Variants in KCNH7 observed in about 807,000 individuals in gnomAD.
KCNH7 encodes the protein voltage-gated inwardly rectifying potassium channel KCNH7.
KCNH7 carries 49 observed loss-of-function variants against 120.8 expected under a neutral mutation model. The observed-to-expected ratio is 0.41, with a 90% CI of 0.32 to 0.51. The LOEUF (loss-of-function observed/expected upper bound fraction) is 0.51, where lower values mean the gene tolerates loss of function less well. KCNH7 is among the 20% of genes least tolerant of loss of function. KCNH7 has a pLI of 0.38. For missense variants in KCNH7, 1,097 were observed against 1,446.6 expected, an observed-to-expected ratio of 0.76 and a Z score of 3.92; for synonymous variants, 547 against 516.1, an observed-to-expected ratio of 1.06 and a Z score of -0.81.
At chr2:162,448,812 TC>T (rs2105564594) in intron 6 of KCNH7, among the ~76,000 whole-genome samples, 1 of 152,156 alleles carries the variant, frequency 6.6e-6, no homozygotes, top group South Asian at 2.1e-4. Flanking sequence ...GAAGACACTG[TC>T]CCTGAGATCT....
chr2:162,765,256 T>G (rs1682744170), intron 2 of KCNH7, among the ~76,000 whole-genome samples: 1 of 152,224 alleles, frequency 6.6e-6, no homozygotes, highest in South Asian at 2.1e-4. Context: ...TAGATGATAC[T>G]TTATTGAATC....
chr2:162,518,682 G>A (rs1691406829), intron 3 of KCNH7, among the ~76,000 whole-genome samples: 1 of 151,684 alleles, frequency 6.6e-6, no homozygotes, highest in African/African-American at 2.4e-5. Context: ...ATTGTGAGTC[G>A]AGTTTGGGTG....
At chr2:162,819,353 G>A (rs1266779521) in intron 2 of KCNH7, among the ~76,000 whole-genome samples, 1 of 152,062 alleles carries the variant, frequency 6.6e-6, no homozygotes, top group African/African-American at 2.4e-5. Context: ...AAATGGCCCA[G>A]CAAAATAAAT....
At chr2:162,807,267 A>C (rs986538074) in intron 2 of KCNH7, among the ~76,000 whole-genome samples, 3 of 136,990 alleles carry the variant, frequency 2.2e-5, no homozygotes, top group East Asian at 4.4e-4. Context: ...AAAAAAAAAA[A>C]AAAAAAAAAA....
chr2:162,429,682 T>C (rs997835312), intron 8 of KCNH7, among the ~76,000 whole-genome samples: 2 of 150,766 alleles, frequency 1.3e-5, no homozygotes, highest in African/African-American at 5.0e-5. Context: ...TCTTTTTCCT[T>C]TGTATATGAT....
At chr2:162,582,882 G>A (rs535877228) in intron 2 of KCNH7, among the ~76,000 whole-genome samples, 33 of 152,156 alleles carry the variant, frequency 2.2e-4, no homozygotes, top group African/African-American at 7.9e-4. Flanking sequence ...GGATATTAGA[G>A]GACACCTGTA....
intron 2 of KCNH7, among the ~76,000 whole-genome samples, chr2:162,788,946 T>G: frequency 6.9e-6 from 1 of 144,812 alleles, no homozygotes; most frequent in African/African-American, 2.6e-5. Flanking sequence ...AGCAGAAACC[T>G]TGATGCCAGA....
chr2:162,482,140 T>C (rs1266447572), intron 6 of KCNH7, among the ~76,000 whole-genome samples: 3 of 152,176 alleles, frequency 2.0e-5, no homozygotes, highest in African/African-American at 7.2e-5. Context: ...AGTTTAAGGA[T>C]GGGATAGATC....
chr2:162,579,699 C>T lies in KCNH7; in HGVS notation c.308-42619G>A, dbSNP rs569898558. ...CAGGGTGGGCACTTCTGAAATGTAA[C>T]AAGCCTTTCCGAAAGTCTACATTTC... On this transcript the variant is annotated intron_variant, in intron 2 of 15. Coordinates refer to ENST00000332142, the MANE Select transcript of KCNH7 (RefSeq NM_033272.4). Among the ~76,000 whole-genome samples, 8 of 152,114 alleles carry T rather than the reference C, an allele frequency of 5.3e-5. No homozygotes were observed. The East Asian group carries it at 1.6e-3, about 30-fold the overall frequency.
chr2:162,559,054 C>CAAAAAAAAAAAAAAAAAAAAAAACAA (rs780823559), intron 2 of KCNH7, among the ~76,000 whole-genome samples: 28 of 37,122 alleles, frequency 7.5e-4, no homozygotes, highest in Non-Finnish European at 9.6e-4. Context: ...GACTCTGCCT[C>CAAAAAAAAAAAAAAAAAAAAAAACAA]AAAAAAAAAA....
chr2:162,671,038 A>T (rs571903331), intron 2 of KCNH7, among the ~76,000 whole-genome samples: 4 of 152,144 alleles, frequency 2.6e-5, no homozygotes, highest in African/African-American at 9.7e-5. Context: ...AACTTATACC[A>T]GTCAGAATGG....
intron 2 of KCNH7, among the ~76,000 whole-genome samples, chr2:162,601,057 A>C (rs1486850000): frequency 6.6e-6 from 1 of 152,084 alleles, no homozygotes; most frequent in Non-Finnish European, 1.5e-5. Flanking sequence ...CCAAAAGGAA[A>C]GGGGAAAAAA....
intron 2 of KCNH7, among the ~76,000 whole-genome samples, chr2:162,609,773 A>T (rs1046572117): frequency 6.6e-6 from 1 of 152,176 alleles, no homozygotes; most frequent in Non-Finnish European, 1.5e-5. Flanking sequence ...TGAGACACGA[A>T]TAATAGCGAC....
At chr2:162,565,920 T>A (rs766259667) in intron 2 of KCNH7, among the ~76,000 whole-genome samples, 24 of 152,052 alleles carry the variant, frequency 1.6e-4, no homozygotes, top group Non-Finnish European at 3.1e-4. Context: ...TAAAACACAA[T>A]GATGACAAAG....
intron 13 of KCNH7, among the ~76,000 whole-genome samples, chr2:162,380,379 G>A (rs1222815542): frequency 6.6e-6 from 1 of 152,152 alleles, no homozygotes; most frequent in Non-Finnish European, 1.5e-5. Flanking sequence ...AGCAGCATAT[G>A]TTGTTTGCAC....
intron 13 of KCNH7, among the ~76,000 whole-genome samples, chr2:162,382,254 T>G (rs1686439610): frequency 6.6e-6 from 1 of 152,064 alleles, no homozygotes; most frequent in Non-Finnish European, 1.5e-5. Flanking sequence ...ATGAACGAAG[T>G]GTATACTCTT....
chr2:162,524,480 A>G (rs746131572), intron 3 of KCNH7, among the ~76,000 whole-genome samples: 18 of 152,052 alleles, frequency 1.2e-4, no homozygotes, highest in Non-Finnish European at 2.2e-4. Flanking sequence ...CACAGTGTCC[A>G]GTACAGAGAG....
At chr2:162,739,965 C>G (rs1216620067) in intron 2 of KCNH7, among the ~76,000 whole-genome samples, 1 of 152,114 alleles carries the variant, frequency 6.6e-6, no homozygotes, top group East Asian at 1.9e-4. Flanking sequence ...ATTGCAGAAA[C>G]TAATCCAAAT....
intron 9 of KCNH7, among the ~76,000 whole-genome samples, chr2:162,416,428 T>G (rs1214929086): frequency 6.6e-6 from 1 of 151,826 alleles, no homozygotes; most frequent in Non-Finnish European, 1.5e-5. Flanking sequence ...AAATCATAGT[T>G]AGGCTCTGGG....
Sources: allele counts gnomAD v4.1 joint callset (sites outside exome capture counted in the v4.1 genomes callset), GRCh38; gene constraint gnomAD v4.1.1; transcripts MANE v1.5; gene names NCBI Gene and HGNC (gene_info 2026-07-23, HGNC 2026-07-21).